Variants in CNTNAP2 observed in about 807,000 individuals in gnomAD.
The protein encoded by CNTNAP2 is contactin associated protein 2.
Under a neutral mutation model 155.2 loss-of-function variants are expected in CNTNAP2, and 98 were observed. That is an observed-to-expected ratio of 0.63 (90% CI 0.54 to 0.75). CNTNAP2 has a LOEUF of 0.75. Among genes scored for constraint, CNTNAP2 ranks in the 30% least tolerant of loss-of-function variants. The pLI is 0.00. For missense variants in CNTNAP2, 1,727 were observed against 1,688.1 expected, an observed-to-expected ratio of 1.02 and a Z score of -0.40; for synonymous variants, 651 against 631.2, an observed-to-expected ratio of 1.03 and a Z score of -0.47.
At chr7:148,156,955 G>A (rs1214560480) in intron 17 of CNTNAP2, among the ~76,000 whole-genome samples, 1 of 152,192 alleles carries the variant, frequency 6.6e-6, no homozygotes, top group African/African-American at 2.4e-5. Flanking sequence ...GGGTCTGGAG[G>A]CAGGGAAGAT....
chr7:147,100,329 A>G (rs1800628887), intron 4 of CNTNAP2, among the ~76,000 whole-genome samples: 1 of 152,196 alleles, frequency 6.6e-6, no homozygotes, highest in African/African-American at 2.4e-5. Context: ...TTTATCATAT[A>G]TACATTTTTT....
chr7:146,976,815 T>C (rs1797920572), intron 3 of CNTNAP2, among the ~76,000 whole-genome samples: 1 of 152,208 alleles, frequency 6.6e-6, no homozygotes, highest in Non-Finnish European at 1.5e-5. Flanking sequence ...AAAGCCTGTC[T>C]GTTCTGTCTG....
At chr7:146,366,950 A>G (rs1305526002) in intron 1 of CNTNAP2, among the ~76,000 whole-genome samples, 7 of 152,176 alleles carry the variant, frequency 4.6e-5, no homozygotes, top group Non-Finnish European at 7.4e-5. Flanking sequence ...AGAATCTTAC[A>G]TAAGTTTTCT....
chr7:147,850,643 A>C (rs1313041517), intron 13 of CNTNAP2, among the ~76,000 whole-genome samples: 1 of 152,246 alleles, frequency 6.6e-6, no homozygotes, highest in Non-Finnish European at 1.5e-5. Context: ...CTGATCTTTG[A>C]CAAACTTGAC....
At chr7:147,605,706 A>G (rs1306482571) in intron 12 of CNTNAP2, among the ~76,000 whole-genome samples, 1 of 152,166 alleles carries the variant, frequency 6.6e-6, no homozygotes, top group Non-Finnish European at 1.5e-5. Flanking sequence ...GGGAAAGTTC[A>G]GAAAAAGGTT....
At chr7:148,034,815 A>T (rs1326170154) in intron 15 of CNTNAP2, among the ~76,000 whole-genome samples, 2 of 152,218 alleles carry the variant, frequency 1.3e-5, no homozygotes, top group African/African-American at 4.8e-5. Flanking sequence ...AATATAGGGG[A>T]AGTAGAGATT....
intron 8 of CNTNAP2, among the ~76,000 whole-genome samples, chr7:147,180,939 T>C (rs192462488): frequency 2.4e-3 from 367 of 152,322 alleles, no homozygotes; most frequent in Non-Finnish European, 4.5e-3. Flanking sequence ...AAAATTAATA[T>C]ATAGTAGCCA....
At chr7:146,460,407 C>A (rs141949115) in intron 1 of CNTNAP2, among the ~76,000 whole-genome samples, 37 of 152,210 alleles carry the variant, frequency 2.4e-4, no homozygotes, top group African/African-American at 8.2e-4. Context: ...ACTCTATGAT[C>A]TAGCAATCTT....
At chr7:146,245,838 G>T (rs528561552) in intron 1 of CNTNAP2, among the ~76,000 whole-genome samples, 1 of 150,450 alleles carries the variant, frequency 6.6e-6, no homozygotes, top group African/African-American at 2.5e-5. Flanking sequence ...GGGATGACGG[G>T]TGCAAAGGAA....
chr7:147,066,202 T>C (rs1043372861), intron 4 of CNTNAP2, among the ~76,000 whole-genome samples: 3 of 152,178 alleles, frequency 2.0e-5, no homozygotes, highest in Admixed American at 1.3e-4. Flanking sequence ...TAACAGTTCT[T>C]TAAACTGAAT....
At chr7:147,309,573 G>A (rs115575650) in intron 9 of CNTNAP2, among the ~76,000 whole-genome samples, 1,639 of 151,856 alleles carry the variant, frequency 0.011, 31 homozygotes, top group African/African-American at 0.038. Context: ...TTTTCGTAGA[G>A]GAGTTTGTCC....
At chr7:146,464,231 C>A (rs568046397) in intron 1 of CNTNAP2, among the ~76,000 whole-genome samples, 4 of 113,806 alleles carry the variant, frequency 3.5e-5, no homozygotes, top group Admixed American at 2.0e-4. Flanking sequence ...TCTCTCCAAA[C>A]AACAAACAAA....
chr7:146,547,865 C>G lies in CNTNAP2; in HGVS notation c.98-226406C>G, dbSNP rs143927788. On this transcript the variant is annotated intron_variant, in intron 1 of 23. Transcript: ENST00000361727. Reference sequence around the variant, plus strand: ...TCATGGTTTTTTTTTTTTAAAGGAACCTTAATACGGTTTCCGTAGCAGCTG... The same window carrying G: ...TCATGGTTTTTTTTTTTTAAAGGAAGCTTAATACGGTTTCCGTAGCAGCTG... Among the ~76,000 whole-genome samples, 4 of 149,284 alleles carry G rather than the reference C, an allele frequency of 2.7e-5. No homozygotes were observed. The South Asian group carries it at 6.4e-4, about 24-fold the overall frequency.
chr7:148,002,350 T>A (rs1157746987), intron 15 of CNTNAP2, among the ~76,000 whole-genome samples: 1 of 152,164 alleles, frequency 6.6e-6, no homozygotes, highest in Non-Finnish European at 1.5e-5. Context: ...AACCAGCATT[T>A]CAATGGCTCT....
chr7:147,762,753 A>G (rs1320141196), intron 13 of CNTNAP2, among the ~76,000 whole-genome samples: 2 of 146,470 alleles, frequency 1.4e-5, no homozygotes, highest in African/African-American at 5.1e-5. Context: ...GGAAGGAAGG[A>G]GGAAGGAAGA....
chr7:146,146,810 G>C (rs1319446568), intron 1 of CNTNAP2, among the ~76,000 whole-genome samples: 1 of 152,144 alleles, frequency 6.6e-6, no homozygotes, highest in Non-Finnish European at 1.5e-5. Context: ...AAGTAGTAAA[G>C]TCTAATCCAG....
At chr7:146,804,145 C>A (rs991050789) in intron 2 of CNTNAP2, among the ~76,000 whole-genome samples, 6 of 151,898 alleles carry the variant, frequency 4.0e-5, no homozygotes, top group Non-Finnish European at 8.8e-5. Context: ...AATGGGCTGG[C>A]AAAGGAAGCA....
chr7:146,244,866 T>C (rs575387953), intron 1 of CNTNAP2, among the ~76,000 whole-genome samples: 246 of 152,164 alleles, frequency 1.6e-3, no homozygotes, highest in African/African-American at 5.5e-3. Context: ...ATTTTAGTTA[T>C]CTGACTCGGG....
chr7:148,317,738 T>C (rs1259500574), intron 21 of CNTNAP2, among the ~76,000 whole-genome samples: 1 of 151,804 alleles, frequency 6.6e-6, no homozygotes, highest in Non-Finnish European at 1.5e-5. Flanking sequence ...TCTTGCTCTT[T>C]CGCCCAGGCT....
Sources: gnomAD v4.1 joint callset for allele counts (sites outside exome capture counted in the v4.1 genomes callset) on GRCh38, gnomAD v4.1.1 for gene constraint, MANE v1.5 for transcripts, NCBI Gene and HGNC (gene_info 2026-07-23, HGNC 2026-07-21) for gene names.